The following LCMT1 variants were observed in gnomAD, a reference collection of about 807,000 sequenced individuals.
LCMT1 encodes the protein leucine carboxyl methyltransferase 1, also known as [Phosphatase 2A protein]-leucine-carboxy methyltransferase 1.
Under a neutral mutation model 47.7 loss-of-function variants are expected in LCMT1, and 32 were observed. The observed-to-expected ratio is 0.67, with a 90% CI of 0.51 to 0.90. The LOEUF (loss-of-function observed/expected upper bound fraction) is 0.90, where lower values mean the gene tolerates loss of function less well. Among genes scored for constraint, LCMT1 ranks in the 40% least tolerant of loss-of-function variants. The probability of loss-of-function intolerance (pLI) is 0.00; values close to 1 mark genes in which losing one functional copy is unlikely to be tolerated. For missense variants in LCMT1, 375 were observed against 415.2 expected, an observed-to-expected ratio of 0.90 and a Z score of 0.84; for synonymous variants, 152 against 149.7, an observed-to-expected ratio of 1.02 and a Z score of -0.11.
chr16:25,156,044 T>C (rs1961247973), intron 5 of LCMT1, among the ~76,000 whole-genome samples: 1 of 152,210 alleles, frequency 6.6e-6, no homozygotes, highest in Non-Finnish European at 1.5e-5. Flanking sequence ...GTTCTCTGAC[T>C]GTGCCAAGAA....
At chr16:25,163,176 T>C (rs554712307) in intron 6 of LCMT1, among the ~76,000 whole-genome samples, 4 of 152,298 alleles carry the variant, frequency 2.6e-5, no homozygotes, top group Admixed American at 2.6e-4. Flanking sequence ...TTTGGAACTT[T>C]TAAAAGAATC....
chr16:25,161,310 C>T, intron 6 of LCMT1, 106 bp downstream of exon 6: 11 of 539,860 alleles, frequency 2.0e-5, no homozygotes, highest in South Asian at 9.1e-5. Context: ...ATTTTTTATT[C>T]TTTAAGAGTT....
Position 25,119,388 on chromosome 16 carries a change from G to A in LCMT1, c.113+7392G>A, listed in dbSNP as rs531036112. On this transcript the variant is annotated intron_variant, in intron 1 of 10. Transcript: ENST00000399069. Reference sequence around the variant, plus strand: ...GTTCATCTCTGCCACTGGAATAGACGCGATACTGAGCACAGACCATTCCTA... The same window carrying A: ...GTTCATCTCTGCCACTGGAATAGACACGATACTGAGCACAGACCATTCCTA... Among the ~76,000 whole-genome samples the A allele has an allele frequency of 2.6e-5, 4 of 152,116 alleles. No homozygotes were observed. In the East Asian group the frequency reaches 5.8e-4, roughly 22 times the overall value.
intron 1 of LCMT1, among the ~76,000 whole-genome samples, chr16:25,116,598 C>T (rs1469890998): frequency 1.3e-5 from 2 of 151,386 alleles, no homozygotes; most frequent in Non-Finnish European, 2.9e-5. Context: ...CTCTTTTCCA[C>T]AGTGGAGGAG....
chr16:25,167,972 G>T (rs911482369), intron 7 of LCMT1, among the ~76,000 whole-genome samples: 19 of 152,050 alleles, frequency 1.2e-4, no homozygotes, highest in African/African-American at 4.6e-4. Context: ...GGCCAGGCTG[G>T]TCTCAAACTC....
chr16:25,153,782 G>A (rs1264246041), intron 5 of LCMT1, among the ~76,000 whole-genome samples: 1 of 151,724 alleles, frequency 6.6e-6, no homozygotes, highest in African/African-American at 2.4e-5. Context: ...ATGAAACCCC[G>A]TCTCTACTAA....
At position 25,154,806 on chromosome 16, in the gene LCMT1, G is replaced by T. The variant is rs1382917481; in HGVS notation, c.466+3191G>T. On this transcript the variant is annotated intron_variant, in intron 5 of 10. Transcript: ENST00000399069. ...CCGGCCAGATGTGTTCTTTGATAAAGGTCTGTTGTCAACTTTTTTTTATTG... is the reference window on the plus strand; with the variant it reads ...CCGGCCAGATGTGTTCTTTGATAAATGTCTGTTGTCAACTTTTTTTTATTG... Among the ~76,000 whole-genome samples, 4 of 151,888 alleles carry T rather than the reference G, an allele frequency of 2.6e-5. No homozygotes were observed. In the East Asian group the frequency reaches 5.8e-4, roughly 22 times the overall value.
chr16:25,174,882 G>T, intron 9 of LCMT1, 55 bp from the exon 10 acceptor site: 1 of 883,358 alleles, frequency 1.1e-6, no homozygotes, highest in East Asian at 2.8e-5. Context: ...TATGGGCCAT[G>T]ATCTTCATTT....
intron 4 of LCMT1, chr16:25,140,483 A>G (rs972581518): frequency 1.4e-4 from 69 of 489,340 alleles, no homozygotes; most frequent in African/African-American, 1.1e-3. Context: ...TGTAATTACA[A>G]TTAACACGAG....
chr16:25,160,984 G>A, intron 5 of LCMT1, 118 bp from the exon 6 acceptor site: 1 of 485,504 alleles, frequency 2.1e-6, no homozygotes. Flanking sequence ...CTCCTCTTAC[G>A]TATTTTTTTT....
chr16:25,115,261 G>A (rs1172762795), intron 1 of LCMT1, among the ~76,000 whole-genome samples: 2 of 152,158 alleles, frequency 1.3e-5, no homozygotes, highest in Non-Finnish European at 2.9e-5. Context: ...TGTTCCCTCT[G>A]CTGTTACCTC....
intron 2 of LCMT1, 111 bp from the exon 3 acceptor site, chr16:25,132,291 G>A: frequency 7.6e-7 from 1 of 1,317,998 alleles, no homozygotes; most frequent in Non-Finnish European, 1.1e-6. Flanking sequence ...CTCTGACACT[G>A]CAGAAGGGCG....
intron 9 of LCMT1, 92 bp downstream of exon 9, chr16:25,170,897 T>G: frequency 1.2e-6 from 1 of 832,606 alleles, no homozygotes; most frequent in Non-Finnish European, 1.9e-6. Context: ...AACAGAACAA[T>G]ATGTGGAGAT....
intron 1 of LCMT1, among the ~76,000 whole-genome samples, chr16:25,123,107 T>G (rs1047677827): frequency 3.3e-5 from 5 of 152,344 alleles, no homozygotes; most frequent in African/African-American, 1.2e-4. Context: ...CTGTCTTTTT[T>G]AGTGTTTGCA....
chr16:25,137,389 A>G (rs538379564), intron 3 of LCMT1, among the ~76,000 whole-genome samples: 3 of 152,164 alleles, frequency 2.0e-5, no homozygotes, highest in African/African-American at 7.2e-5. Context: ...GGCATGGGCT[A>G]TACCTCTAAG....
Position 25,178,046 on chromosome 16 carries a change from C to A in LCMT1, c.*23C>A. On this transcript the variant is annotated 3_prime_UTR_variant, in exon 11 of 11. Coordinates refer to ENST00000399069, the MANE Select transcript of LCMT1 (RefSeq NM_016309.3). ...TAATCTGTCGAAGGCTTATGCCGAG[C>A]CAGAAGCCGAAGCCACTTGCCCTCC... 1 of 1,612,550 alleles carries A rather than the reference C, an allele frequency of 6.2e-7. No individual in the cohort carries two copies. Among genetic ancestry groups the A allele is most frequent in the Non-Finnish European group, 8.5e-7 (1 of 1,179,130 alleles).
chr16:25,160,445 A>G (rs1961392638), intron 5 of LCMT1, among the ~76,000 whole-genome samples: 1 of 152,234 alleles, frequency 6.6e-6, no homozygotes, highest in African/African-American at 2.4e-5. Flanking sequence ...TTGTAAATAC[A>G]TTAGTACATA....
intron 5 of LCMT1, among the ~76,000 whole-genome samples, chr16:25,160,138 G>A (rs189971160): frequency 2.1e-3 from 315 of 152,142 alleles, no homozygotes; most frequent in South Asian, 6.4e-3. Context: ...TAGTAGAGAC[G>A]GAGTTTTACC....
intron 3 of LCMT1, among the ~76,000 whole-genome samples, chr16:25,135,367 G>C (rs1029369553): frequency 2.0e-5 from 3 of 151,666 alleles, no homozygotes; most frequent in African/African-American, 7.3e-5. Flanking sequence ...GCCAAATCTG[G>C]CCCACAGCCT....
Sources: allele counts gnomAD v4.1 joint callset (sites outside exome capture counted in the v4.1 genomes callset), GRCh38; gene constraint gnomAD v4.1.1; transcripts MANE v1.5; gene names NCBI Gene and HGNC (gene_info 2026-07-23, HGNC 2026-07-21).